The following CTIF variants were observed in gnomAD, a reference collection of about 807,000 sequenced individuals.
CTIF encodes cap binding complex dependent translation initiation factor, also known as CBP80/20-dependent translation initiation factor.
A neutral mutation model predicts 66.0 loss-of-function variants in CTIF; 21 were observed. The observed-to-expected ratio is 0.32, with a 90% CI of 0.23 to 0.46. The LOEUF (loss-of-function observed/expected upper bound fraction) is 0.46, where lower values mean the gene tolerates loss of function less well. CTIF is among the 20% of genes least tolerant of loss of function. The pLI is 1.00. For synonymous variants in CTIF, 345 were observed against 326.4 expected, an observed-to-expected ratio of 1.06 and a Z score of -0.62; for missense variants, 739 against 812.7, an observed-to-expected ratio of 0.91 and a Z score of 1.10.
At chr18:48,611,528 A>G (rs7240702) in intron 1 of CTIF, among the ~76,000 whole-genome samples, 65,777 of 152,170 alleles carry the variant, frequency 0.43, 16,958 homozygotes, top group African/African-American at 0.73. Context: ...ATGGATAAAG[A>G]AGACGTGCAA....
At chr18:48,597,719 C>T (rs1310792525) in intron 1 of CTIF, among the ~76,000 whole-genome samples, 1 of 152,180 alleles carries the variant, frequency 6.6e-6, no homozygotes, top group African/African-American at 2.4e-5. Context: ...CCAATGAAGC[C>T]TTTTTTCTTT....
chr18:48,757,887 C>G, intron 7 of CTIF, 32 bp from the exon 8 acceptor site: 1 of 1,588,506 alleles, frequency 6.3e-7, no homozygotes, highest in East Asian at 2.2e-5. Flanking sequence ...GCCCAGTGAT[C>G]GCCTTCTCTG....
chr18:48,841,372 C>T (rs1047284047), intron 10 of CTIF, among the ~76,000 whole-genome samples: 7 of 152,198 alleles, frequency 4.6e-5, no homozygotes, highest in African/African-American at 7.2e-5. Context: ...CCCTCTGGGA[C>T]AGCAGAGAAC....
intron 1 of CTIF, among the ~76,000 whole-genome samples, chr18:48,598,754 A>T (rs535744195): frequency 1.3e-5 from 2 of 152,334 alleles, no homozygotes; most frequent in Admixed American, 6.5e-5. Flanking sequence ...CAATAAGGAC[A>T]TCAGCATTTC....
intron 9 of CTIF, among the ~76,000 whole-genome samples, chr18:48,762,409 G>T (rs1460397301): frequency 6.6e-6 from 1 of 152,178 alleles, no homozygotes; most frequent in African/African-American, 2.4e-5. Context: ...GTACCTGCTT[G>T]CCTGTATGGG....
chr18:48,706,609 C>CT (rs1279073532), intron 6 of CTIF, among the ~76,000 whole-genome samples: 1 of 152,226 alleles, frequency 6.6e-6, no homozygotes, highest in Non-Finnish European at 1.5e-5. Context: ...TCTGCTGGGC[C>CT]TGCCCTTAAT....
At chr18:48,776,415 C>T (rs1490066161) in intron 9 of CTIF, among the ~76,000 whole-genome samples, 4 of 152,256 alleles carry the variant, frequency 2.6e-5, no homozygotes, top group Admixed American at 1.3e-4. Flanking sequence ...CAGGGTTGTG[C>T]AGGAGGCTGC....
chr18:48,691,224 T>G (rs2091920866), intron 6 of CTIF, among the ~76,000 whole-genome samples: 3 of 152,164 alleles, frequency 2.0e-5, no homozygotes, highest in African/African-American at 7.2e-5. Flanking sequence ...CATTTCCAAC[T>G]CAACTGGGAA....
chr18:48,766,605 TGAG>T (rs1371575964), intron 9 of CTIF, among the ~76,000 whole-genome samples: 1 of 152,200 alleles, frequency 6.6e-6, no homozygotes, highest in East Asian at 1.9e-4. Flanking sequence ...ACACCACTGT[TGAG>T]GAGACACCCC....
At chr18:48,833,872 G>A (rs554699682) in intron 10 of CTIF, among the ~76,000 whole-genome samples, 1 of 152,334 alleles carries the variant, frequency 6.6e-6, no homozygotes, top group African/African-American at 2.4e-5. Context: ...GGTCAGAGGG[G>A]CCTTCCAGAT....
chr18:48,741,725 G>A lies in CTIF; in HGVS notation c.585-16194G>A, dbSNP rs547360923. Among the ~76,000 whole-genome samples the A allele has an allele frequency of 2.1e-4, 32 of 152,156 alleles. 1 individual carries two copies. The South Asian group carries it at 5.6e-3, about 27-fold the overall frequency. ...CAGGTATGAACCACCATGCCCGGCC[G>A]ACCAAGGCCATCTTTAAGAGGCCTG... is the stretch of plus-strand genomic sequence containing the variant. On this transcript the variant is annotated intron_variant, in intron 7 of 11. Coordinates refer to ENST00000256413, the MANE Select transcript of CTIF (RefSeq NM_014772.3).
intron 6 of CTIF, among the ~76,000 whole-genome samples, chr18:48,680,962 C>A (rs796587940): frequency 6.6e-6 from 1 of 152,174 alleles, no homozygotes; most frequent in Admixed American, 6.5e-5. Flanking sequence ...GTGGAGGGGG[C>A]GGGGACGGAC....
rs1035875330 is a variant in CTIF, at chr18:48,757,866, C to G, written c.585-53C>G. ...GTTCTGGCGGCTGGGCACAGGGACT[C>G]TGACCAGCCCGCCCAGTGATCGCCT... On this transcript the variant is annotated intron_variant, in intron 7 of 11. Transcript: ENST00000256413. 34 of 1,564,534 alleles carry G rather than the reference C, an allele frequency of 2.2e-5. No individual in the cohort carries two copies. In the Admixed American group the frequency reaches 6.2e-4, roughly 28 times the overall value.
chr18:48,816,728 T>G (rs139071921), intron 9 of CTIF, among the ~76,000 whole-genome samples: 1 of 152,198 alleles, frequency 6.6e-6, no homozygotes, highest in East Asian at 1.9e-4. Flanking sequence ...TGTAGCCCAG[T>G]GCTGGGGCGC....
chr18:48,740,367 G>T (rs1242222409), intron 7 of CTIF, among the ~76,000 whole-genome samples: 1 of 152,130 alleles, frequency 6.6e-6, no homozygotes, highest in African/African-American at 2.4e-5. Flanking sequence ...CCAAAACCTG[G>T]CCCAACCTAA....
At chr18:48,664,035 G>A (rs1314077647) in intron 4 of CTIF, among the ~76,000 whole-genome samples, 2 of 152,208 alleles carry the variant, frequency 1.3e-5, no homozygotes, top group Non-Finnish European at 2.9e-5. Flanking sequence ...GGGCCCCCGG[G>A]ATGGGGCTGC....
chr18:48,741,287 C>G (rs1266044646), intron 7 of CTIF, among the ~76,000 whole-genome samples: 1 of 139,006 alleles, frequency 7.2e-6, no homozygotes, highest in Non-Finnish European at 1.5e-5. Context: ...CCCGCCCCCC[C>G]TCCTTGGTAC....
chr18:48,773,438 C>A (rs568022961), intron 9 of CTIF, among the ~76,000 whole-genome samples: 1 of 152,212 alleles, frequency 6.6e-6, no homozygotes, highest in Non-Finnish European at 1.5e-5. Context: ...TGCTCTCTGG[C>A]CCCTGGCACA....
At chr18:48,648,488 C>CACACACAT (rs59085443) in intron 3 of CTIF, among the ~76,000 whole-genome samples, 2 of 150,704 alleles carry the variant, frequency 1.3e-5, no homozygotes, top group Admixed American at 1.3e-4. Context: ...CACACACACA[C>CACACACAT]GCACACACAC....
Sources: gnomAD v4.1 joint callset for allele counts (sites outside exome capture counted in the v4.1 genomes callset) on GRCh38, gnomAD v4.1.1 for gene constraint, MANE v1.5 for transcripts, NCBI Gene and HGNC (gene_info 2026-07-23, HGNC 2026-07-21) for gene names.